Variants in HELZ observed in about 807,000 individuals in gnomAD.
The protein encoded by HELZ is ATP-dependent RNA helicase with zinc finger domain.
A neutral mutation model predicts 218.2 loss-of-function variants in HELZ; 23 were observed. The ratio of observed to expected loss-of-function variants is 0.11; its 90% CI spans 0.08 to 0.15. The LOEUF (loss-of-function observed/expected upper bound fraction) is 0.15, where lower values mean the gene tolerates loss of function less well. Among genes scored for constraint, HELZ ranks in the 10% least tolerant of loss-of-function variants. HELZ has a pLI of 1.00. For synonymous variants in HELZ, 814 were observed against 829.4 expected, an observed-to-expected ratio of 0.98 and a Z score of 0.32; for missense variants, 1,813 against 2,353.7, an observed-to-expected ratio of 0.77 and a Z score of 4.75.
At chr17:67,119,980 T>A (rs2037548426) in intron 27 of HELZ, 1 of 394,692 alleles carries the variant, frequency 2.5e-6, no homozygotes, top group Admixed American at 3.6e-5. Context: ...ATATGTTAGA[T>A]TCTCTCCCTT....
intron 5 of HELZ, among the ~76,000 whole-genome samples, chr17:67,207,978 G>A (rs1240254777): frequency 2.6e-5 from 4 of 152,150 alleles, no homozygotes; most frequent in African/African-American, 9.7e-5. Flanking sequence ...CAGTCTGGGC[G>A]ACAGAGCAAG....
rs566222106 is a variant in HELZ, at chr17:67,079,287, T to C, written c.5495-701A>G. Among the ~76,000 whole-genome samples, 22 of 152,342 alleles carry C rather than the reference T, an allele frequency of 1.4e-4. No homozygotes were observed. In the South Asian group the frequency reaches 1.7e-3, roughly 11 times the overall value. On this transcript the variant is annotated intron_variant, in intron 32 of 32. Coordinates refer to ENST00000358691, the MANE Select transcript of HELZ (RefSeq NM_014877.4). ...CATAATACAAATTCACTGAGGACAA[T>C]TGGAAAATTTCAGAAAAGTCCAAAG...
chr17:67,196,314 G>A (rs1341652216), intron 7 of HELZ, among the ~76,000 whole-genome samples: 1 of 152,060 alleles, frequency 6.6e-6, no homozygotes, highest in Admixed American at 6.6e-5. Flanking sequence ...CCACCAATCA[G>A]CGCATTTGGC....
chr17:67,243,511 C>G (rs1473781264), intron 2 of HELZ, among the ~76,000 whole-genome samples: 1 of 152,172 alleles, frequency 6.6e-6, no homozygotes, highest in African/African-American at 2.4e-5. Flanking sequence ...ATAATTATCC[C>G]TGGTGAAGAT....
chr17:67,217,475 A>G (rs1311945805), intron 4 of HELZ, among the ~76,000 whole-genome samples: 1 of 152,150 alleles, frequency 6.6e-6, no homozygotes, highest in Non-Finnish European at 1.5e-5. Flanking sequence ...TATTCTCAGC[A>G]CAAAAGTCAA....
chr17:67,151,419 A>G (rs1343814703), intron 17 of HELZ, among the ~76,000 whole-genome samples, 195 bp from the exon 18 acceptor site: 1 of 152,214 alleles, frequency 6.6e-6, no homozygotes, highest in Non-Finnish European at 1.5e-5. Context: ...CTCTACCAAA[A>G]AAATGACAGA....
At chr17:67,194,757 T>A (rs955917846) in intron 8 of HELZ, among the ~76,000 whole-genome samples, 3 of 152,132 alleles carry the variant, frequency 2.0e-5, no homozygotes, top group Non-Finnish European at 4.4e-5. Context: ...CATTTTCTAC[T>A]CCCTCACAAG....
chr17:67,095,461 T>G (rs1328933714), intron 31 of HELZ, among the ~76,000 whole-genome samples: 3 of 152,086 alleles, frequency 2.0e-5, no homozygotes, highest in Non-Finnish European at 4.4e-5. Context: ...GGTGGGAGGA[T>G]TGCCAGGGTC....
chr17:67,203,858 T>C (rs1391287257), intron 5 of HELZ, among the ~76,000 whole-genome samples: 1 of 152,244 alleles, frequency 6.6e-6, no homozygotes, highest in Non-Finnish European at 1.5e-5. Context: ...CACCTAGATA[T>C]TCCTAAGCAA....
chr17:67,241,303 A>G (rs148924134), intron 2 of HELZ, among the ~76,000 whole-genome samples: 1,626 of 152,314 alleles, frequency 0.011, 19 homozygotes, highest in South Asian at 0.018. Context: ...CCTGGCCCGA[A>G]ATCTTCTATA....
chr17:67,176,855 T>C (rs1245487110), intron 13 of HELZ, among the ~76,000 whole-genome samples: 11 of 151,918 alleles, frequency 7.2e-5, no homozygotes, highest in Admixed American at 7.2e-4. Context: ...ATAGTAATAA[T>C]TTTTTTTAAA....
At chr17:67,163,404 C>CTTT (rs5821487) in intron 15 of HELZ, among the ~76,000 whole-genome samples, 10 of 151,836 alleles carry the variant, frequency 6.6e-5, no homozygotes, top group Non-Finnish European at 1.3e-4. Context: ...AACTTAGTAT[C>CTTT]TTTTTCTTTT....
At chr17:67,243,878 T>G (rs2041393527) in intron 1 of HELZ, 39 bp from the exon 2 acceptor site, 1 of 435,912 alleles carries the variant, frequency 2.3e-6, no homozygotes, top group Non-Finnish European at 3.0e-6. Context: ...ACAACACCAG[T>G]AACAGACATT....
At chr17:67,228,174 A>T (rs2040942422) in intron 3 of HELZ, among the ~76,000 whole-genome samples, 1 of 152,224 alleles carries the variant, frequency 6.6e-6, no homozygotes, top group African/African-American at 2.4e-5. Context: ...TAACATCCGT[A>T]ATTGGTTCTT....
intron 3 of HELZ, among the ~76,000 whole-genome samples, chr17:67,230,118 G>T (rs1188677559): frequency 1.3e-5 from 2 of 152,078 alleles, no homozygotes; most frequent in African/African-American, 4.8e-5. Context: ...CTAAAATTGA[G>T]ATTTTTTTTC....
chr17:67,200,224 T>C (rs1049682639), intron 7 of HELZ, among the ~76,000 whole-genome samples: 1 of 152,138 alleles, frequency 6.6e-6, no homozygotes, highest in Non-Finnish European at 1.5e-5. Context: ...AAAATAAAAA[T>C]ACTTTTATAT....
intron 6 of HELZ, among the ~76,000 whole-genome samples, chr17:67,201,618 T>C (rs371405390): frequency 6.6e-6 from 1 of 152,182 alleles, no homozygotes; most frequent in Non-Finnish European, 1.5e-5. Context: ...TCACACCACT[T>C]TAAAAATGGC....
At chr17:67,161,907 C>T (rs1412429542) in intron 15 of HELZ, among the ~76,000 whole-genome samples, 4 of 152,130 alleles carry the variant, frequency 2.6e-5, no homozygotes, top group Middle Eastern at 3.4e-3. Context: ...AAATACTATA[C>T]GTCACAACAA....
intron 5 of HELZ, among the ~76,000 whole-genome samples, chr17:67,214,760 C>T (rs1388758513): frequency 6.6e-6 from 1 of 152,116 alleles, no homozygotes; most frequent in Non-Finnish European, 1.5e-5. Context: ...CCACTCACTC[C>T]TAGATTCATT....
Sources: gnomAD v4.1 joint callset for allele counts (sites outside exome capture counted in the v4.1 genomes callset) on GRCh38, gnomAD v4.1.1 for gene constraint, MANE v1.5 for transcripts, NCBI Gene and HGNC (gene_info 2026-07-23, HGNC 2026-07-21) for gene names.